Variants in MAF observed in about 807,000 individuals in gnomAD.
The protein encoded by MAF is transcription factor Maf.
In MAF, 10 loss-of-function variants were observed where a neutral mutation model predicts 22.0. The observed-to-expected ratio is 0.45, with a 90% confidence interval of 0.28 to 0.77. The LOEUF (loss-of-function observed/expected upper bound fraction) is 0.77. MAF is among the 30% of genes least tolerant of loss of function. The pLI, the probability that MAF is intolerant of heterozygous loss-of-function variation, is 0.12. For missense variants in MAF, 544 were observed against 548.4 expected, an observed-to-expected ratio of 0.99 and a Z score of 0.08; for synonymous variants, 337 against 255.8, an observed-to-expected ratio of 1.32 and a Z score of -3.03.
At chr16:79,338,009 G>C in the MAF span, among the ~76,000 whole-genome samples, 51 of 152,184 alleles carry the variant, frequency 3.4e-4, no homozygotes, top group African/African-American at 1.1e-3. Context: ...CCCTGTGCTA[G>C]GCACTTGGGA....
the MAF span, among the ~76,000 whole-genome samples, chr16:79,221,679 G>A: frequency 1.3e-5 from 2 of 152,096 alleles, no homozygotes; most frequent in Admixed American, 6.5e-5. Context: ...ATGTGATTAT[G>A]TGTGTGTACA....
chr16:79,464,904 A>G, the MAF span, among the ~76,000 whole-genome samples: 2 of 152,226 alleles, frequency 1.3e-5, no homozygotes, highest in African/African-American at 2.4e-5. Context: ...AAGGGCCACT[A>G]GACTAGAAGT....
chr16:79,589,535 A>T (rs1026203302), downstream of MAF, among the ~76,000 whole-genome samples: 1 of 152,212 alleles, frequency 6.6e-6, no homozygotes, highest in African/African-American at 2.4e-5. Flanking sequence ...CGGAAAACTA[A>T]TAGAAGAAAA....
the MAF span, among the ~76,000 whole-genome samples, chr16:79,345,484 T>G: frequency 6.6e-6 from 1 of 151,994 alleles, no homozygotes; most frequent in Non-Finnish European, 1.5e-5. Flanking sequence ...TGTGAGAAAT[T>G]TGGGAGGCTG....
the MAF span, among the ~76,000 whole-genome samples, chr16:79,300,063 C>T: frequency 6.6e-6 from 1 of 152,176 alleles, no homozygotes; most frequent in African/African-American, 2.4e-5. Flanking sequence ...CCCAGGATAG[C>T]TCATGGCTAA....
At chr16:79,542,751 T>C in the MAF span, among the ~76,000 whole-genome samples, 2 of 152,322 alleles carry the variant, frequency 1.3e-5, no homozygotes, top group African/African-American at 2.4e-5. Context: ...TTGGGACTCA[T>C]ACCTCAACCC....
the MAF span, among the ~76,000 whole-genome samples, chr16:79,332,785 G>C: frequency 6.6e-6 from 1 of 152,232 alleles, no homozygotes; most frequent in Admixed American, 6.5e-5. Context: ...GAGGAAAGCA[G>C]TGAAGTTAGG....
chr16:79,583,517 G>C (rs1912653778), downstream of MAF, among the ~76,000 whole-genome samples: 1 of 152,178 alleles, frequency 6.6e-6, no homozygotes, highest in Admixed American at 6.5e-5. Context: ...AACTCTGTAA[G>C]GTCTGGTTGC....
the MAF span, among the ~76,000 whole-genome samples, chr16:79,284,249 G>T: frequency 6.6e-6 from 1 of 152,256 alleles, no homozygotes; most frequent in South Asian, 2.1e-4. Context: ...TTGGTATGAA[G>T]GTCTTGATAT....
chr16:79,520,857 C>T, the MAF span, among the ~76,000 whole-genome samples: 58 of 152,284 alleles, frequency 3.8e-4, no homozygotes, highest in African/African-American at 1.3e-3. Context: ...AGGGTATTCA[C>T]CATGTGCCTG....
At chr16:79,528,849 A>G in the MAF span, among the ~76,000 whole-genome samples, 2 of 152,018 alleles carry the variant, frequency 1.3e-5, no homozygotes, top group African/African-American at 4.8e-5. Flanking sequence ...AAATGTGGAG[A>G]TTTCTTGGAG....
the MAF span, among the ~76,000 whole-genome samples, chr16:79,499,567 G>T: frequency 6.6e-6 from 1 of 152,130 alleles, no homozygotes; most frequent in Non-Finnish European, 1.5e-5. Flanking sequence ...CACGAGAATG[G>T]GGTCATCATG....
chr16:79,279,477 G>A, the MAF span, among the ~76,000 whole-genome samples: 1 of 152,208 alleles, frequency 6.6e-6, no homozygotes. Context: ...TAGCTGTGGG[G>A]AATGGGACCT....
chr16:79,510,853 G>A, the MAF span, among the ~76,000 whole-genome samples: 8 of 151,458 alleles, frequency 5.3e-5, no homozygotes, highest in East Asian at 9.6e-4. Context: ...GTCCAAGTGT[G>A]TGCAAGTGTG....
chr16:79,349,673 A>AG, the MAF span, among the ~76,000 whole-genome samples: 1 of 152,090 alleles, frequency 6.6e-6, no homozygotes, highest in Admixed American at 6.5e-5. Flanking sequence ...TGCTGGGACT[A>AG]GGGGGGCATT....
chr16:79,511,361 GAA>G, the MAF span, among the ~76,000 whole-genome samples: 2 of 152,254 alleles, frequency 1.3e-5, no homozygotes, highest in African/African-American at 4.8e-5. Flanking sequence ...AAGAGAGAGA[GAA>G]AGAGAGAGAG....
At chr16:79,286,646 T>C in the MAF span, among the ~76,000 whole-genome samples, 1 of 152,206 alleles carries the variant, frequency 6.6e-6, no homozygotes, top group African/African-American at 2.4e-5. Flanking sequence ...CAGGCATACA[T>C]ACTGGTGCCT....
chr16:79,261,771 C>T, the MAF span, among the ~76,000 whole-genome samples: 1 of 152,126 alleles, frequency 6.6e-6, no homozygotes, highest in African/African-American at 2.4e-5. Context: ...ATGATGAGGG[C>T]AGGGCCTGGC....
chr16:79,390,250 C>G, the MAF span, among the ~76,000 whole-genome samples: 2 of 151,920 alleles, frequency 1.3e-5, no homozygotes, highest in Non-Finnish European at 2.9e-5. Context: ...CCCAGTTACC[C>G]CAACCTCCCA....
Sources: allele counts gnomAD v4.1 joint callset (sites outside exome capture counted in the v4.1 genomes callset), GRCh38; gene constraint gnomAD v4.1.1; transcripts MANE v1.5; gene names NCBI Gene and HGNC (gene_info 2026-07-23, HGNC 2026-07-21).